SHANK2: variants seen among roughly 807,000 people sequenced by gnomAD.
SHANK2 encodes SH3 and multiple ankyrin repeat domains protein 2.
SHANK2 carries 43 observed loss-of-function variants against 133.7 expected under a neutral mutation model. That is an observed-to-expected ratio of 0.32 (90% CI 0.25 to 0.41). SHANK2 has a LOEUF of 0.41. Ranked by LOEUF, SHANK2 falls within the 10% of genes least tolerant of loss-of-function variation. The pLI, the probability that SHANK2 is intolerant of heterozygous loss-of-function variation, is 1.00. For missense variants in SHANK2, 1,994 were observed against 2,235.8 expected (o/e 0.89, Z 2.18); for synonymous variants, 1,017 against 952.8 (o/e 1.07, Z -1.24).
chr11:70,821,971 C>T (rs914860290), intron 11 of SHANK2, among the ~76,000 whole-genome samples: 4 of 152,222 alleles, frequency 2.6e-5, no homozygotes, highest in African/African-American at 7.2e-5. Context: ...CTCAGAATGA[C>T]AGCAACAGCC....
At chr11:70,794,367 C>T (rs1432673407) in intron 14 of SHANK2, among the ~76,000 whole-genome samples, 3 of 151,620 alleles carry the variant, frequency 2.0e-5, no homozygotes, top group African/African-American at 7.3e-5. Context: ...AGAAGTTGGG[C>T]CCGAGAGTAC....
At chr11:70,713,377 G>A (rs1170634757) in intron 14 of SHANK2, among the ~76,000 whole-genome samples, 2 of 152,258 alleles carry the variant, frequency 1.3e-5, no homozygotes, top group African/African-American at 4.8e-5. Flanking sequence ...ACGGGTTACA[G>A]TACTGACTTG....
chr11:71,222,298 G>A (rs1954561684), intron 2 of SHANK2, among the ~76,000 whole-genome samples: 1 of 152,214 alleles, frequency 6.6e-6, no homozygotes, highest in African/African-American at 2.4e-5. Flanking sequence ...GAGTTGCCCA[G>A]ACAAGTTTTT....
At chr11:70,841,981 C>T (rs937756131) in intron 11 of SHANK2, among the ~76,000 whole-genome samples, 1 of 152,126 alleles carries the variant, frequency 6.6e-6, no homozygotes, top group East Asian at 1.9e-4. Context: ...TGCCCTTATT[C>T]CTGGGACCTA....
chr11:70,486,093 G>A lies in SHANK2; in HGVS notation c.4200C>T (p.Asp1400=), dbSNP rs1275496533. The change falls in exon 25 of 26, where the codon GAC becomes GAT. Residue 1400 remains aspartate (D), a synonymous_variant. Transcript: ENST00000601538. The surrounding 1 kb of genome is among the most constrained non-coding windows in gnomAD (Gnocchi z 8.0). ...CTGTAAAAATAAAATCCTCATCCAAGTCCACGGATGCCAGAGGGGGAGGAG... is the reference window on the plus strand; with the variant it reads ...CTGTAAAAATAAAATCCTCATCCAAATCCACGGATGCCAGAGGGGGAGGAG... The part of the protein sequence containing the change: ...RIPPPPLASV[D]LDEDFIFTEP... 1 of 1,613,956 alleles carries A rather than the reference G, an allele frequency of 6.2e-7. No homozygotes were observed. Among genetic ancestry groups the A allele is most frequent in the African/African-American group, 1.3e-5 (1 of 74,924 alleles).
At chr11:70,529,331 G>A (rs1554972742) in intron 17 of SHANK2, among the ~76,000 whole-genome samples, 1 of 152,240 alleles carries the variant, frequency 6.6e-6, no homozygotes, top group African/African-American at 2.4e-5. Flanking sequence ...GCCCAGAGAA[G>A]GCGGGTGACT....
At chr11:70,632,084 C>A (rs549105995) in intron 17 of SHANK2, among the ~76,000 whole-genome samples, 5 of 152,206 alleles carry the variant, frequency 3.3e-5, no homozygotes, top group African/African-American at 9.6e-5. Flanking sequence ...CATTAGAATG[C>A]GATTTGTCCT....
intron 17 of SHANK2, among the ~76,000 whole-genome samples, chr11:70,623,271 CAGGT>C (rs2060856827): frequency 6.6e-6 from 1 of 152,236 alleles, no homozygotes; most frequent in Non-Finnish European, 1.5e-5. Flanking sequence ...TCTGCCCCTC[CAGGT>C]CCCCGGGCGG....
chr11:70,633,052 T>G (rs2061019957), intron 17 of SHANK2, among the ~76,000 whole-genome samples: 2 of 152,136 alleles, frequency 1.3e-5, no homozygotes, highest in Admixed American at 1.3e-4. Context: ...GGGCTGCCAC[T>G]GGGCACAGAT....
intron 17 of SHANK2, among the ~76,000 whole-genome samples, chr11:70,584,510 C>T (rs1044072308): frequency 1.6e-4 from 24 of 152,226 alleles, no homozygotes; most frequent in African/African-American, 4.6e-4. Context: ...CAGCCACTAA[C>T]CCTGCCCCCA....
At chr11:70,537,748 G>C (rs2059563970) in intron 17 of SHANK2, among the ~76,000 whole-genome samples, 1 of 152,248 alleles carries the variant, frequency 6.6e-6, no homozygotes, top group Non-Finnish European at 1.5e-5. Context: ...CCCTGGCTCA[G>C]TCCTGCAGAG....
At chr11:71,221,707 G>A (rs1376926419) in intron 2 of SHANK2, among the ~76,000 whole-genome samples, 1 of 152,054 alleles carries the variant, frequency 6.6e-6, no homozygotes, top group Admixed American at 6.6e-5. Flanking sequence ...CGATACCCTG[G>A]CTGCTCACTA....
chr11:71,065,613 T>C (rs1292082019), intron 9 of SHANK2, among the ~76,000 whole-genome samples: 14 of 61,614 alleles, frequency 2.3e-4, no homozygotes, highest in Non-Finnish European at 4.2e-4. Flanking sequence ...GTGGGGACGT[T>C]GCAGGGGGGT....
At chr11:70,930,195 G>A (rs1356890893) in intron 10 of SHANK2, among the ~76,000 whole-genome samples, 1 of 152,150 alleles carries the variant, frequency 6.6e-6, no homozygotes, top group Non-Finnish European at 1.5e-5. Context: ...ATCTCTCCCT[G>A]GATGAGGATC....
At chr11:70,748,946 C>T (rs1946700147) in intron 14 of SHANK2, among the ~76,000 whole-genome samples, 1 of 152,208 alleles carries the variant, frequency 6.6e-6, no homozygotes, top group Admixed American at 6.5e-5. Context: ...CCTCCACTGA[C>T]AGCAATCAGA....
chr11:70,951,262 G>A (rs557417703), intron 10 of SHANK2, among the ~76,000 whole-genome samples: 1 of 151,108 alleles, frequency 6.6e-6, no homozygotes, highest in African/African-American at 2.5e-5. Flanking sequence ...CTGCTGCACC[G>A]TGATGTCATA....
intron 17 of SHANK2, among the ~76,000 whole-genome samples, chr11:70,542,795 G>A (rs543286017): frequency 2.0e-5 from 3 of 152,320 alleles, no homozygotes; most frequent in Non-Finnish European, 4.4e-5. Flanking sequence ...GTACCCTGGC[G>A]GGGTTTCCAA....
At chr11:70,605,500 C>G (rs1413548159) in intron 17 of SHANK2, among the ~76,000 whole-genome samples, 2 of 152,244 alleles carry the variant, frequency 1.3e-5, no homozygotes, top group Non-Finnish European at 2.9e-5. Context: ...CAGCGATTAG[C>G]ACGCTGGGAC....
intron 17 of SHANK2, among the ~76,000 whole-genome samples, chr11:70,627,740 T>G (rs2060923844): frequency 6.6e-6 from 1 of 152,190 alleles, no homozygotes; most frequent in Admixed American, 6.5e-5. Context: ...TATACAACAT[T>G]TAAAGAATTT....
Sources: gnomAD v4.1 joint callset for allele counts (sites outside exome capture counted in the v4.1 genomes callset) on GRCh38, gnomAD v4.1.1 for gene constraint, Gnocchi (gnomAD v3.1) non-coding constraint, MANE v1.5 for transcripts, NCBI Gene and HGNC (gene_info 2026-07-23, HGNC 2026-07-21) for gene names.